Variants in TRPS1 observed in about 807,000 individuals in gnomAD.
The protein encoded by TRPS1 is transcriptional repressor GATA binding 1.
In TRPS1, 6 loss-of-function variants were observed where a neutral mutation model predicts 101.2. The ratio of observed to expected loss-of-function variants is 0.06; its 90% CI spans 0.03 to 0.12. The LOEUF is 0.12. Ranked by LOEUF, TRPS1 falls within the 10% of genes least tolerant of loss-of-function variation. The probability of loss-of-function intolerance (pLI) is 1.00; values close to 1 mark genes in which losing one functional copy is unlikely to be tolerated. For missense variants in TRPS1, 1,363 were observed against 1,567.0 expected (o/e 0.87, Z 2.20); for synonymous variants, 578 against 589.8 (o/e 0.98, Z 0.29).
In TRPS1 at chr8:115,668,094, G is replaced by A. The variant is rs576051260; in HGVS notation, c.-122+451C>T. ...CTGAAACTTCTTTTTTTGGCAAATGGGGATTTGTTTTTCCTCCTCCCCGGC... is the reference window on the plus strand; with the variant it reads ...CTGAAACTTCTTTTTTTGGCAAATGAGGATTTGTTTTTCCTCCTCCCCGGC... On this transcript the variant is annotated intron_variant, in intron 1 of 6. Coordinates refer to ENST00000395715, the MANE Select transcript of TRPS1 (RefSeq NM_014112.5). The A allele has an allele frequency of 8.1e-6, 5 of 615,630 alleles. 1 individual carries two copies. The highest frequency in any genetic ancestry group is 7.8e-5 in the South Asian group (4 of 51,294). 38.1% of individuals were successfully genotyped at this position (615,630 alleles called of 1,614,324 possible).
intron 5 of TRPS1, among the ~76,000 whole-genome samples, chr8:115,572,982 A>C (rs1004248643): frequency 1.3e-5 from 2 of 151,918 alleles, no homozygotes; most frequent in South Asian, 2.1e-4. Context: ...AAAAATACAA[A>C]ATTAGCCAGG....
In TRPS1 at chr8:115,412,923, A is replaced by T. The variant is rs556254960; in HGVS notation, c.*1100T>A. 19 of 152,676 alleles carry T rather than the reference A, an allele frequency of 1.2e-4. No homozygotes were observed. The highest frequency in any genetic ancestry group is 3.8e-4 in the African/African-American group (16 of 41,566). 9.5% of individuals were successfully genotyped at this position (152,676 alleles called of 1,614,324 possible). ...AAATCTGTATACATTTAATGAAGGG[A>T]TTGGCTGGTACATATACCAACTGTC... On this transcript the variant is annotated 3_prime_UTR_variant, in exon 7 of 7. Coordinates refer to ENST00000395715, the MANE Select transcript of TRPS1 (RefSeq NM_014112.5).
chr8:115,472,713 A>G (rs1211937187), intron 5 of TRPS1, among the ~76,000 whole-genome samples: 1 of 152,192 alleles, frequency 6.6e-6, no homozygotes, highest in Non-Finnish European at 1.5e-5. Flanking sequence ...CATAAAACTG[A>G]ATGCTTTTAA....
At chr8:115,517,462 A>AAG (rs993324249) in intron 5 of TRPS1, among the ~76,000 whole-genome samples, 23 of 151,296 alleles carry the variant, frequency 1.5e-4, no homozygotes, top group African/African-American at 4.6e-4. Context: ...GAGAGAGAGA[A>AAG]AGAGAGAGAG....
intron 5 of TRPS1, among the ~76,000 whole-genome samples, chr8:115,471,156 G>C (rs905639876): frequency 1.3e-5 from 2 of 152,164 alleles, no homozygotes; most frequent in African/African-American, 4.8e-5. Flanking sequence ...GTAGGGTATT[G>C]TATTAGTCCA....
chr8:115,561,516 G>C (rs971983298), intron 5 of TRPS1, among the ~76,000 whole-genome samples: 1 of 151,750 alleles, frequency 6.6e-6, no homozygotes, highest in Non-Finnish European at 1.5e-5. Flanking sequence ...TAGCAACAAG[G>C]GGTGCAATTT....
chr8:115,560,640 T>C (rs940659409), intron 5 of TRPS1, among the ~76,000 whole-genome samples: 1 of 152,088 alleles, frequency 6.6e-6, no homozygotes, highest in African/African-American at 2.4e-5. Flanking sequence ...ACTTACAAAG[T>C]TTACTTTTAT....
intron 1 of TRPS1, among the ~76,000 whole-genome samples, chr8:115,629,794 C>A (rs898003181): frequency 2.6e-5 from 4 of 151,794 alleles, no homozygotes; most frequent in Admixed American, 1.3e-4. Flanking sequence ...ATGCTCCTCC[C>A]TGATTATTAA....
rs78348233 is a variant in TRPS1 at position 115,539,516 on chromosome 8, A to G, written c.2700+47485T>C. Among the ~76,000 whole-genome samples the G allele has an allele frequency of 6.8e-3, 1,035 of 152,282 alleles. 14 individuals carry two copies. The highest frequency in any genetic ancestry group is 0.024 in the African/African-American group (986 of 41,568). ...CGAATTTGAGTTGGTAGATGCAAGA[A>G]TCAGCAAACCTGAAGATGGGTCAAT... On this transcript the variant is annotated intron_variant, in intron 5 of 6. Transcript: ENST00000395715.
chr8:115,499,831 TA>T (rs1815256576), intron 5 of TRPS1, among the ~76,000 whole-genome samples: 1 of 152,216 alleles, frequency 6.6e-6, no homozygotes, highest in Non-Finnish European at 1.5e-5. Context: ...ACAGTACAAC[TA>T]AAGGAATATG....
chr8:115,566,784 AGAT>A (rs1817077194), intron 5 of TRPS1, among the ~76,000 whole-genome samples: 1 of 152,104 alleles, frequency 6.6e-6, no homozygotes, highest in Non-Finnish European at 1.5e-5. Flanking sequence ...AAGTTTAGTG[AGAT>A]GATATGTTTT....
intron 3 of TRPS1, among the ~76,000 whole-genome samples, chr8:115,609,844 A>G (rs138100411): frequency 7.9e-4 from 121 of 152,320 alleles, no homozygotes; most frequent in African/African-American, 2.3e-3. Flanking sequence ...TTTATAATTT[A>G]TTTACATATG....
intron 1 of TRPS1, among the ~76,000 whole-genome samples, chr8:115,627,126 G>A (rs1001490634): frequency 2.0e-5 from 3 of 151,468 alleles, no homozygotes; most frequent in South Asian, 4.2e-4. Flanking sequence ...CACTAACTAG[G>A]GAAACTAAAA....
At chr8:115,649,428 T>TAAC (rs1811509344) in intron 1 of TRPS1, among the ~76,000 whole-genome samples, 1 of 152,224 alleles carries the variant, frequency 6.6e-6, no homozygotes, top group Non-Finnish European at 1.5e-5. Context: ...CTACCTGTTG[T>TAAC]AGCCTAGGCA....
intron 3 of TRPS1, among the ~76,000 whole-genome samples, chr8:115,617,502 A>C (rs941725096): frequency 1.3e-5 from 2 of 152,166 alleles, no homozygotes; most frequent in African/African-American, 4.8e-5. Context: ...TCCAAACTAT[A>C]GGCCTTAGTA....
Position 115,604,335 on chromosome 8 carries a change from T to C in TRPS1, c.1634A>G (p.Tyr545Cys). 6.2e-7 allele frequency: 1 copy of C among 1,614,084 alleles called. No homozygotes were observed. Among genetic ancestry groups the C allele is most frequent in the Non-Finnish European group, 8.5e-7 (1 of 1,179,996 alleles). ...SYNCQFCDFR[Y>C]SKSHGPDVIV... ...TACATCAGGGCCATGGCTTTTGGAATATCGGAAGTCACAGAACTGACAATT... is the reference window on the plus strand; with the variant it reads ...TACATCAGGGCCATGGCTTTTGGAACATCGGAAGTCACAGAACTGACAATT... The change falls in exon 4 of 7, where the codon TAT (tyrosine) becomes TGT (cysteine). Residue 545 changes from tyrosine (Y) to cysteine (C), a missense_variant. Transcript: ENST00000395715. This position sits in a 1 kb window ranked among gnomAD's most constrained non-coding sequence, Gnocchi z 4.1.
At chr8:115,488,777 G>C (rs1814950908) in intron 5 of TRPS1, among the ~76,000 whole-genome samples, 1 of 152,004 alleles carries the variant, frequency 6.6e-6, no homozygotes, top group South Asian at 2.1e-4. Context: ...AGATAATATT[G>C]GAGAATTCAT....
At chr8:115,478,909 ATGTATATATGTATATATG>A (rs993749071) in intron 5 of TRPS1, among the ~76,000 whole-genome samples, 8 of 148,818 alleles carry the variant, frequency 5.4e-5, no homozygotes, top group Non-Finnish European at 8.9e-5. Flanking sequence ...ATGTATATAA[ATGTATATATGTATATATG>A]TGTATATATG....
intron 1 of TRPS1, among the ~76,000 whole-genome samples, chr8:115,655,946 A>G (rs542722966): frequency 6.6e-6 from 1 of 152,266 alleles, no homozygotes; most frequent in East Asian, 1.9e-4. Context: ...CTGACATCAC[A>G]GGAACCAAAC....
Sources: allele counts gnomAD v4.1 joint callset (sites outside exome capture counted in the v4.1 genomes callset), GRCh38; gene constraint gnomAD v4.1.1; non-coding constraint Gnocchi (gnomAD v3.1); transcripts MANE v1.5; gene names NCBI Gene and HGNC (gene_info 2026-07-23, HGNC 2026-07-21).